Variants in PLAT observed in about 807,000 individuals in gnomAD.
The protein encoded by PLAT is tissue-type plasminogen activator.
A neutral mutation model predicts 74.9 loss-of-function variants in PLAT; 48 were observed. The ratio of observed to expected loss-of-function variants is 0.64; its 90% CI spans 0.51 to 0.82. PLAT has a LOEUF of 0.82. PLAT is among the 40% of genes least tolerant of loss of function. The pLI is 0.00. For missense variants in PLAT, 673 were observed against 736.2 expected (o/e 0.91, Z 0.99); for synonymous variants, 307 against 294.4 (o/e 1.04, Z -0.44).
At chr8:42,190,822 T>C (rs1263099132) in intron 3 of PLAT, among the ~76,000 whole-genome samples, 2 of 152,172 alleles carry the variant, frequency 1.3e-5, no homozygotes, top group Non-Finnish European at 2.9e-5. Flanking sequence ...GACCCCACCA[T>C]GTCGAGGGGT....
In PLAT at chr8:42,180,105, C is replaced by T. The variant is rs762244173; in HGVS notation, c.1223-39G>A. 8.2e-6 allele frequency: 13 copies of T among 1,592,122 alleles called. No homozygotes were observed. The South Asian group carries it at 1.3e-4, about 15-fold the overall frequency. ...AGGAGGAGTGAGCTGGCGTGAGGGC[C>T]GCGTCCCCGGGAGGGGAGGAACACG... On this transcript the variant is annotated intron_variant, in intron 11 of 13. Coordinates refer to ENST00000220809, the MANE Select transcript of PLAT (RefSeq NM_000930.5).
chr8:42,194,239 A>AGT lies in PLAT; in HGVS notation c.-26-1029_-26-1028insAC, dbSNP rs1292130383. On this transcript the variant is annotated intron_variant, in intron 1 of 13. Coordinates refer to ENST00000220809, the MANE Select transcript of PLAT (RefSeq NM_000930.5). ...CTGAGAGAGAGAGAGAGAGAGAGAG[A>AGT]GAGTGTGTGTGTGTGTGTGTGTGTG... Among the ~76,000 whole-genome samples the AGT allele has an allele frequency of 6.6e-5, 7 of 106,248 alleles. No homozygotes were observed. The East Asian group carries it at 8.0e-4, about 12-fold the overall frequency. 69.7% of individuals were successfully genotyped at this position (106,248 alleles called of 152,430 possible).
At chr8:42,178,043 A>G (rs1805040883) in intron 13 of PLAT, among the ~76,000 whole-genome samples, 1 of 152,234 alleles carries the variant, frequency 6.6e-6, no homozygotes, top group Non-Finnish European at 1.5e-5. Flanking sequence ...ATACCCCAGT[A>G]TCTGGCTAAT....
intron 3 of PLAT, among the ~76,000 whole-genome samples, chr8:42,190,732 C>T (rs1012748252): frequency 2.0e-5 from 3 of 152,160 alleles, no homozygotes; most frequent in African/African-American, 4.8e-5. Flanking sequence ...AAATCGAGGG[C>T]CTAAGTTGGT....
chr8:42,183,249 C>T (rs1305210267), intron 7 of PLAT, among the ~76,000 whole-genome samples: 5 of 152,134 alleles, frequency 3.3e-5, no homozygotes, highest in Admixed American at 6.5e-5. Flanking sequence ...GTGATCTGCC[C>T]GCCTCAGCCT....
chr8:42,201,885 C>A (rs112301395), intron 1 of PLAT, among the ~76,000 whole-genome samples: 1 of 152,200 alleles, frequency 6.6e-6, no homozygotes, highest in African/African-American at 2.4e-5. Context: ...AAAAACCCTT[C>A]GCTTTCTCTC....
chr8:42,187,812 TG>T, intron 5 of PLAT, 93 bp downstream of exon 5: 1 of 929,000 alleles, frequency 1.1e-6, no homozygotes, highest in Non-Finnish European at 1.7e-6. Flanking sequence ...CCCCCACCCC[TG>T]GCCCTGCCAT....
rs868411879 is a variant in PLAT, at chr8:42,179,410, G to A, written c.1364-347C>T. ...ACCCTAAACTGTAACAACCAAAAAC[G>A]TCTCCAGACCTCGCCAAACGTTTCC... On this transcript the variant is annotated intron_variant, in intron 12 of 13. Transcript: ENST00000220809. Among the ~76,000 whole-genome samples the A allele has an allele frequency of 3.3e-5, 5 of 152,268 alleles. No homozygotes were observed. The South Asian group carries it at 6.2e-4, about 19-fold the overall frequency.
At chr8:42,202,900 G>A (rs761574360) in intron 1 of PLAT, among the ~76,000 whole-genome samples, 7 of 152,172 alleles carry the variant, frequency 4.6e-5, no homozygotes, top group Non-Finnish European at 8.8e-5. Context: ...GAAGGGGTCT[G>A]CTCCAGACAG....
intron 10 of PLAT, 29 bp downstream of exon 10, chr8:42,180,461 A>G: frequency 1.2e-6 from 2 of 1,613,852 alleles, no homozygotes; most frequent in Non-Finnish European, 1.7e-6. Context: ...TAGAGGGTGG[A>G]AAAACCAACT....
At chr8:42,194,799 C>T (rs1053526572) in intron 1 of PLAT, among the ~76,000 whole-genome samples, 1 of 151,312 alleles carries the variant, frequency 6.6e-6, no homozygotes, top group Admixed American at 6.6e-5. Context: ...CGCCCACCCC[C>T]CCCACCGCTC....
At chr8:42,180,851 T>A in intron 9 of PLAT, 166 bp from the exon 10 acceptor site, 1 of 570,174 alleles carries the variant, frequency 1.8e-6, no homozygotes, top group Non-Finnish European at 3.0e-6. Context: ...CAGCGATAAG[T>A]TTCAGGAGGC....
intron 13 of PLAT, among the ~76,000 whole-genome samples, chr8:42,177,090 G>C (rs900957128): frequency 6.6e-6 from 1 of 151,998 alleles, no homozygotes; most frequent in African/African-American, 2.4e-5. Flanking sequence ...AGCAATTCTC[G>C]TGCTTATGGG....
In PLAT at chr8:42,178,987, ATGT is replaced by A. The variant is rs781771661; in HGVS notation, c.1437_1439del (p.Gln479del). ...TGTCGGTGACTGTTCTGTTAAGTAAATGTTGTGATGTGCAGCGGCTGGATGGGT... is the reference window on the plus strand; with the variant it reads ...TGTCGGTGACTGTTCTGTTAAGTAAATGTGATGTGCAGCGGCTGGATGGGT... On this transcript the variant is annotated inframe_deletion, in exon 13 of 14. Coordinates refer to ENST00000220809, the MANE Select transcript of PLAT (RefSeq NM_000930.5). The A allele has an allele frequency of 2.4e-5, 39 of 1,614,042 alleles. No individual in the cohort carries two copies. The highest frequency in any genetic ancestry group is 1.6e-4 in the East Asian group (7 of 44,874).
intron 1 of PLAT, among the ~76,000 whole-genome samples, chr8:42,199,475 G>GC (rs1323095656): frequency 5.9e-5 from 9 of 151,498 alleles, no homozygotes; most frequent in Non-Finnish European, 8.8e-5. Context: ...GGCAGACCCT[G>GC]CCCCCCACCC....
At chr8:42,205,433 A>C (rs1453232021) in intron 1 of PLAT, among the ~76,000 whole-genome samples, 1 of 152,210 alleles carries the variant, frequency 6.6e-6, no homozygotes, top group Admixed American at 6.5e-5. Context: ...AGGCTGAGGC[A>C]GGAGAATCAC....
intron 9 of PLAT, 120 bp downstream of exon 9, chr8:42,181,817 G>T: frequency 2.8e-6 from 1 of 363,186 alleles, no homozygotes; most frequent in Non-Finnish European, 5.3e-6. Context: ...TCCCCACCCA[G>T]CCTGGAAGTC....
intron 1 of PLAT, among the ~76,000 whole-genome samples, chr8:42,207,235 G>A (rs1024164269): frequency 6.6e-6 from 1 of 152,112 alleles, no homozygotes; most frequent in South Asian, 2.1e-4. Flanking sequence ...GTCAGCAGAG[G>A]CTTCTCCAAT....
chr8:42,201,218 T>C (rs1421386068), intron 1 of PLAT, among the ~76,000 whole-genome samples: 1 of 152,254 alleles, frequency 6.6e-6, no homozygotes. Flanking sequence ...CCTGGAAATC[T>C]AACTGCATTT....
Sources: allele counts gnomAD v4.1 joint callset (sites outside exome capture counted in the v4.1 genomes callset), GRCh38; gene constraint gnomAD v4.1.1; transcripts MANE v1.5; gene names NCBI Gene and HGNC (gene_info 2026-07-23, HGNC 2026-07-21).